Variants in PLCH2 observed in about 807,000 individuals in gnomAD.
PLCH2 encodes the protein 1-phosphatidylinositol 4,5-bisphosphate phosphodiesterase eta-2.
Under a neutral mutation model 134.7 loss-of-function variants are expected in PLCH2, and 98 were observed. That is an observed-to-expected ratio of 0.73 (90% CI 0.62 to 0.86). PLCH2 has a LOEUF of 0.86. PLCH2 is among the 40% of genes least tolerant of loss of function. The probability of loss-of-function intolerance (pLI) is 0.00; values close to 1 mark genes in which losing one functional copy is unlikely to be tolerated. For synonymous variants in PLCH2, 974 were observed against 827.5 expected, an observed-to-expected ratio of 1.18 and a Z score of -3.04; for missense variants, 1,994 against 1,986.6, an observed-to-expected ratio of 1.00 and a Z score of -0.07.
chr1:2,428,021 G>T (rs957873149), intron 1 of PLCH2, among the ~76,000 whole-genome samples: 1 of 152,172 alleles, frequency 6.6e-6, no homozygotes, highest in African/African-American at 2.4e-5. Flanking sequence ...GTGTGTGGTC[G>T]TTGCACCCTG....
intron 21 of PLCH2, 178 bp from the exon 22 acceptor site, chr1:2,503,744 G>T: frequency 3.2e-6 from 2 of 618,060 alleles, no homozygotes; most frequent in South Asian, 3.6e-5. Flanking sequence ...GCAGGGTGGG[G>T]ACACCGAGTG....
upstream of PLCH2, among the ~76,000 whole-genome samples, chr1:2,462,856 G>A (rs977450421): frequency 2.6e-5 from 4 of 152,220 alleles, no homozygotes; most frequent in Non-Finnish European, 4.4e-5. Flanking sequence ...GCCAAGATGT[G>A]TGTCGGGGTG....
At chr1:2,419,234 A>G in the PLCH2 span, among the ~76,000 whole-genome samples, 5 of 152,092 alleles carry the variant, frequency 3.3e-5, no homozygotes, top group Admixed American at 2.0e-4. Flanking sequence ...TCGAGCTTCA[A>G]TCCACAGTGG....
the PLCH2 span, among the ~76,000 whole-genome samples, chr1:2,419,238 A>T: frequency 6.6e-6 from 1 of 152,118 alleles, no homozygotes; most frequent in African/African-American, 2.4e-5. Flanking sequence ...GCTTCAATCC[A>T]CAGTGGAGGC....
the PLCH2 span, among the ~76,000 whole-genome samples, chr1:2,419,042 C>T: frequency 1.6e-4 from 25 of 152,356 alleles, 1 homozygote; most frequent in South Asian, 1.2e-3. Context: ...GCGGTTGGCA[C>T]GGCTCATCCT....
rs142440332 is a variant in PLCH2 at position 2,433,551 on chromosome 1, C to T, written c.115+2922C>T. Among the ~76,000 whole-genome samples the T allele has an allele frequency of 5.0e-3, 761 of 152,300 alleles. 8 individuals are homozygous for T. The highest frequency in any genetic ancestry group is 0.017 in the Middle Eastern group (5 of 294). ...GCCTTGAGGCTGGCACAGGTGGGAA[C>T]GGTGTGTCCGCACAGCAGGAGCCTC... On this transcript the variant is annotated intron_variant, in intron 2 of 3. Transcript: ENST00000609981.
intron 1 of PLCH2, among the ~76,000 whole-genome samples, chr1:2,471,100 C>T (rs1391229320): frequency 6.6e-6 from 1 of 152,164 alleles, no homozygotes; most frequent in Non-Finnish European, 1.5e-5. Flanking sequence ...TAATAGGGTC[C>T]CCTTCCTGAT....
At chr1:2,445,343 C>T (rs922362193) in intron 2 of PLCH2, among the ~76,000 whole-genome samples, 2 of 152,138 alleles carry the variant, frequency 1.3e-5, no homozygotes, top group African/African-American at 4.8e-5. Flanking sequence ...GAGACTGGCG[C>T]CTGCTTGGCA....
At chr1:2,443,920 C>G (rs555452650) in intron 2 of PLCH2, among the ~76,000 whole-genome samples, 7 of 151,850 alleles carry the variant, frequency 4.6e-5, no homozygotes, top group Non-Finnish European at 1.0e-4. Context: ...TCGCTGCCCT[C>G]GCTGCAGCCG....
chr1:2,443,929 C>A (rs1639815495), intron 2 of PLCH2, among the ~76,000 whole-genome samples: 1 of 151,846 alleles, frequency 6.6e-6, no homozygotes, highest in South Asian at 2.1e-4. Context: ...TCGCTGCAGC[C>A]GCCACGGAGA....
Position 2,496,821 on chromosome 1 carries a change from G to A in PLCH2, c.1934-7G>A, listed in dbSNP as rs1247921381. 13 of 1,610,808 alleles carry A rather than the reference G, an allele frequency of 8.1e-6. No homozygotes were observed. Among genetic ancestry groups the A allele is most frequent in the East Asian group, 6.7e-5 (3 of 44,830 alleles). ...GGCAGTCTGATGCCCGGTCACCGGC[G>A]CCACAGCGGCGTCCAGCTGGCAGGT... On this transcript the variant is annotated splice_polypyrimidine_tract_variant and splice_region_variant and intron_variant, in intron 14 of 21. Transcript: ENST00000378486.
intron 2 of PLCH2, among the ~76,000 whole-genome samples, chr1:2,459,442 C>T (rs71511347): frequency 0.26 from 2,405 of 9,224 alleles, 635 homozygotes; most frequent in East Asian, 0.49. Context: ...TCCTCCTTGC[C>T]GGTGGTCCTC....
chr1:2,429,099 C>T (rs1022674181), intron 1 of PLCH2, among the ~76,000 whole-genome samples: 14 of 151,996 alleles, frequency 9.2e-5, no homozygotes, highest in African/African-American at 2.4e-4. Context: ...GGTGAGGGGA[C>T]AGGTGGCCAA....
chr1:2,490,806 G>A (rs1249002155), intron 10 of PLCH2, among the ~76,000 whole-genome samples: 2 of 152,246 alleles, frequency 1.3e-5, no homozygotes, highest in Admixed American at 1.3e-4. Flanking sequence ...GGGGCACCCG[G>A]GGGGCTGCAC....
At chr1:2,471,265 A>G (rs982215680) in intron 1 of PLCH2, among the ~76,000 whole-genome samples, 4 of 152,168 alleles carry the variant, frequency 2.6e-5, no homozygotes, top group Non-Finnish European at 4.4e-5. Flanking sequence ...AAGAGGCCAG[A>G]GAAAGGCCAG....
At chr1:2,477,928 G>T (rs1228654932) in intron 1 of PLCH2, among the ~76,000 whole-genome samples, 1 of 152,224 alleles carries the variant, frequency 6.6e-6, no homozygotes, top group Non-Finnish European at 1.5e-5. Flanking sequence ...GTGGCCAGGG[G>T]CGGGGGCAGG....
Position 2,505,208 on chromosome 1 carries a change from C to T in PLCH2, c.4246C>T (p.Leu1416Phe). The change falls in exon 22 of 22, where the codon CTC becomes TTC. Residue 1416 changes from leucine (L) to phenylalanine (F), a missense_variant. By Grantham distance (22) the Leu-to-Phe change is conservative (BLOSUM62 0). Around this residue, in one of 2 missense-constraint regions of PLCH2, gnomAD observed 900 missense variants for 752.3 expected, o/e 1.20. Coordinates refer to ENST00000378486, the MANE Select transcript of PLCH2 (RefSeq NM_014638.4). ...AAAENLVLLRL is the reference protein window; with the variant it reads ...AAAENLVLLRF The stretch of plus-strand genomic sequence containing the variant: ...TGCTGAAAACCTGGTCCTGCTCCGC[C>T]TCTGACCGTCAGTGGTGGGAACCTG... The T allele has an allele frequency of 6.4e-7, 1 of 1,568,496 alleles. No individual in the cohort carries two copies.
chr1:2,503,541 G>A (rs1055042105), intron 21 of PLCH2: 23 of 679,492 alleles, frequency 3.4e-5, no homozygotes, highest in Non-Finnish European at 5.4e-5. Flanking sequence ...CACGGAGCCC[G>A]CCCCACACCA....
the PLCH2 span, among the ~76,000 whole-genome samples, chr1:2,420,324 CAA>C: frequency 3.9e-5 from 6 of 152,172 alleles, no homozygotes; most frequent in African/African-American, 1.4e-4. Flanking sequence ...GATTTCAGGA[CAA>C]AGCTTCCCAG....
Sources: gnomAD v4.1 joint callset for allele counts (sites outside exome capture counted in the v4.1 genomes callset) on GRCh38, gnomAD v4.1.1 for gene constraint, gnomAD v4.1.1 regional missense constraint, MANE v1.5 for transcripts, NCBI Gene and HGNC (gene_info 2026-07-23, HGNC 2026-07-21) for gene names.